Variants in KCNC2 observed in about 807,000 individuals in gnomAD.
KCNC2 encodes potassium voltage-gated channel subfamily C member 2.
A neutral mutation model predicts 44.5 loss-of-function variants in KCNC2; 21 were observed. The ratio of observed to expected loss-of-function variants is 0.47; its 90% CI spans 0.33 to 0.68. KCNC2 has a LOEUF of 0.68. Among genes scored for constraint, KCNC2 ranks in the 30% least tolerant of loss-of-function variants. The probability of loss-of-function intolerance (pLI) is 0.01; values close to 1 mark genes in which losing one functional copy is unlikely to be tolerated. For synonymous variants in KCNC2, 391 were observed against 339.1 expected (o/e 1.15, Z -1.68); for missense variants, 589 against 826.2 (o/e 0.71, Z 3.52).
chr12:75,096,186 T>A (rs1885907444), intron 2 of KCNC2, among the ~76,000 whole-genome samples: 1 of 151,968 alleles, frequency 6.6e-6, no homozygotes, highest in Non-Finnish European at 1.5e-5. Flanking sequence ...CTCACCTCAA[T>A]CTTATTTCTC....
At chr12:75,061,825 T>G (rs1467647318) in intron 2 of KCNC2, among the ~76,000 whole-genome samples, 1 of 152,064 alleles carries the variant, frequency 6.6e-6, no homozygotes, top group Non-Finnish European at 1.5e-5. Flanking sequence ...AAATTGTTTT[T>G]AACTAATTCT....
intron 2 of KCNC2, among the ~76,000 whole-genome samples, chr12:75,175,228 A>G (rs1217199194): frequency 6.6e-6 from 1 of 151,942 alleles, no homozygotes; most frequent in African/African-American, 2.4e-5. Flanking sequence ...TCCAGCCCAA[A>G]CTGTGATTGC....
At chr12:75,107,450 T>A in intron 2 of KCNC2, among the ~76,000 whole-genome samples, 1 of 152,170 alleles carries the variant, frequency 6.6e-6, no homozygotes, top group East Asian at 1.9e-4. Context: ...TTTTTCAGCG[T>A]CTATGTGTTA....
At chr12:75,112,016 C>CT (rs543692322) in intron 2 of KCNC2, among the ~76,000 whole-genome samples, 178 of 151,800 alleles carry the variant, frequency 1.2e-3, no homozygotes, top group South Asian at 5.8e-3. Flanking sequence ...AACAAATACT[C>CT]TATGCAGTTT....
chr12:75,129,284 G>T lies in KCNC2; in HGVS notation c.688-77967C>A, dbSNP rs542327243. Among the ~76,000 whole-genome samples, 9 of 152,270 alleles carry T rather than the reference G, an allele frequency of 5.9e-5. No individual in the cohort carries two copies. In the South Asian group the frequency reaches 1.7e-3, roughly 28 times the overall value. The stretch of plus-strand genomic sequence containing the variant: ...GCCATGACGCTAACAGGCTGCAGAA[G>T]AGTTGCCCCCTCAACCAACTCTACC... On this transcript the variant is annotated intron_variant, in intron 2 of 4. Transcript: ENST00000549446.
intron 2 of KCNC2, among the ~76,000 whole-genome samples, chr12:75,148,530 T>C (rs1336590558): frequency 1.3e-5 from 2 of 152,130 alleles, no homozygotes; most frequent in Non-Finnish European, 2.9e-5. Context: ...CTTATTTTAG[T>C]AATTTAAAAC....
chr12:75,103,851 A>G (rs991645908), intron 2 of KCNC2, among the ~76,000 whole-genome samples: 1 of 152,230 alleles, frequency 6.6e-6, no homozygotes, highest in Admixed American at 6.5e-5. Context: ...GTGCTGTAAT[A>G]AAAGCTATGT....
intron 3 of KCNC2, among the ~76,000 whole-genome samples, chr12:75,049,753 T>C (rs1880967189): frequency 6.6e-6 from 1 of 152,080 alleles, no homozygotes; most frequent in Admixed American, 6.6e-5. Flanking sequence ...TTATATTACA[T>C]GGCATGGACC....
At chr12:75,079,461 T>C (rs1884287277) in intron 2 of KCNC2, among the ~76,000 whole-genome samples, 1 of 152,180 alleles carries the variant, frequency 6.6e-6, no homozygotes, top group Non-Finnish European at 1.5e-5. Flanking sequence ...TTGGCACATT[T>C]TGTTGACTAC....
intron 2 of KCNC2, among the ~76,000 whole-genome samples, chr12:75,178,584 G>A (rs1176440840): frequency 6.6e-6 from 1 of 152,020 alleles, no homozygotes; most frequent in Non-Finnish European, 1.5e-5. Flanking sequence ...AACTGGATTT[G>A]TAGCTTACCA....
intron 2 of KCNC2, among the ~76,000 whole-genome samples, chr12:75,120,506 A>G (rs1348288339): frequency 6.6e-6 from 1 of 152,192 alleles, no homozygotes; most frequent in Non-Finnish European, 1.5e-5. Flanking sequence ...AAAAATCCAT[A>G]TGCTATCTCT....
At chr12:75,137,136 C>T (rs1421881628) in intron 2 of KCNC2, among the ~76,000 whole-genome samples, 1 of 152,158 alleles carries the variant, frequency 6.6e-6, no homozygotes, top group African/African-American at 2.4e-5. Flanking sequence ...CTTTTCTCTT[C>T]TCTTTGGCCC....
chr12:75,102,765 C>G (rs1026497994), intron 2 of KCNC2, among the ~76,000 whole-genome samples: 1 of 151,936 alleles, frequency 6.6e-6, no homozygotes, highest in African/African-American at 2.4e-5. Flanking sequence ...ACATAGTGAG[C>G]TTTGAGTGGG....
At chr12:75,122,221 G>A (rs936552829) in intron 2 of KCNC2, among the ~76,000 whole-genome samples, 6 of 152,086 alleles carry the variant, frequency 3.9e-5, no homozygotes, top group Non-Finnish European at 8.8e-5. Context: ...TGGGGAGAAG[G>A]GAAATGGGAG....
intron 2 of KCNC2, among the ~76,000 whole-genome samples, chr12:75,117,661 G>A (rs1887766418): frequency 6.6e-6 from 1 of 151,886 alleles, no homozygotes; most frequent in Non-Finnish European, 1.5e-5. Context: ...GGTGGAGAGG[G>A]CAATAGTTAA....
intron 2 of KCNC2, chr12:75,124,065 T>C (rs1335178608): frequency 6.6e-6 from 1 of 152,220 alleles, no homozygotes; most frequent in African/African-American, 2.4e-5. Context: ...AACTTGATCT[T>C]CTGTGTTCAG....
At chr12:75,138,979 T>TAAAAAAAAAAAAAAAAAAAAAAAAAAAAA (rs373729570) in intron 2 of KCNC2, among the ~76,000 whole-genome samples, 5 of 77,930 alleles carry the variant, frequency 6.4e-5, no homozygotes, top group South Asian at 5.0e-4. Flanking sequence ...AGACTCCGTG[T>TAAAAAAAAAAAAAAAAAAAAAAAAAAAAA]AAAAAAAAAA....
intron 3 of KCNC2, 55 bp from the exon 4 acceptor site, chr12:75,048,372 G>A (rs971720550): frequency 4.8e-6 from 7 of 1,471,444 alleles, no homozygotes; most frequent in East Asian, 2.4e-5. Context: ...AAATGAGACA[G>A]TACAAAGAGT....
chr12:75,043,936 C>A (rs1302975187), intron 4 of KCNC2: 3 of 538,664 alleles, frequency 5.6e-6, no homozygotes, highest in Non-Finnish European at 9.4e-6. Context: ...CACCCCCGAC[C>A]TTCCCACCCA....
Sources: allele counts gnomAD v4.1 joint callset (sites outside exome capture counted in the v4.1 genomes callset), GRCh38; gene constraint gnomAD v4.1.1; transcripts MANE v1.5; gene names NCBI Gene and HGNC (gene_info 2026-07-23, HGNC 2026-07-21).